The following TDRD9 variants were observed in gnomAD, a reference collection of about 807,000 sequenced individuals.
TDRD9 encodes ATP-dependent RNA helicase TDRD9.
In TDRD9, 124 loss-of-function variants were observed where a neutral mutation model predicts 172.6. The ratio of observed to expected loss-of-function variants is 0.72; its 90% confidence interval spans 0.62 to 0.83. The LOEUF is 0.83. TDRD9 is among the 40% of genes least tolerant of loss of function. The pLI is 0.00. For missense variants in TDRD9, 1,479 were observed against 1,714.1 expected (o/e 0.86, Z 2.42); for synonymous variants, 619 against 617.1 (o/e 1.00, Z -0.05).
chr14:103,971,786 T>A (rs2033044875), intron 6 of TDRD9, among the ~76,000 whole-genome samples: 1 of 152,024 alleles, frequency 6.6e-6, no homozygotes, highest in Non-Finnish European at 1.5e-5. Flanking sequence ...CTGCAGAAAA[T>A]GGTCTAGTTG....
intron 23 of TDRD9, among the ~76,000 whole-genome samples, chr14:104,018,610 T>G (rs2034862948): frequency 1.3e-5 from 2 of 152,238 alleles, no homozygotes; most frequent in Admixed American, 6.5e-5. Context: ...AGATATGTTT[T>G]GAATATTTTT....
chr14:104,020,111 G>A (rs1388335700), intron 23 of TDRD9, among the ~76,000 whole-genome samples: 1 of 152,200 alleles, frequency 6.6e-6, no homozygotes, highest in Non-Finnish European at 1.5e-5. Context: ...TTTTGTGGAG[G>A]TCAGGTGCTG....
At chr14:104,050,238 C>T (rs979797018) in intron 35 of TDRD9, among the ~76,000 whole-genome samples, 6 of 152,262 alleles carry the variant, frequency 3.9e-5, no homozygotes, top group African/African-American at 9.6e-5. Flanking sequence ...GAAAGAGAGA[C>T]GTCCTCTCTT....
intron 1 of TDRD9, chr14:103,939,676 GGTTTTTTTTTTTT>G (rs1399005384): frequency 2.8e-5 from 1 of 36,298 alleles, no homozygotes; most frequent in South Asian, 1.2e-3. Flanking sequence ...AAGTTAGGAG[GGTTTTTTTTTTTT>G]TTTTTTTTTT....
At chr14:103,986,379 C>T (rs2033662245) in intron 8 of TDRD9, 59 bp downstream of exon 8, 2 of 1,248,954 alleles carry the variant, frequency 1.6e-6, no homozygotes, top group South Asian at 2.8e-5. Context: ...AAAAATTATT[C>T]ATTTGGAAAC....
Position 103,997,305 on chromosome 14 carries a change from G to A in TDRD9, c.1379-1319G>A, listed in dbSNP as rs1440940014. ...CAGCGGTAGGGGACAGGAGGTGGGGGTAGATCCCAGGGAGATTCTGAAGGC... is the reference window on the plus strand; with the variant it reads ...CAGCGGTAGGGGACAGGAGGTGGGGATAGATCCCAGGGAGATTCTGAAGGC... On this transcript the variant is annotated intron_variant, in intron 12 of 35. Transcript: ENST00000409874. This position sits in a 1 kb window ranked among gnomAD's most constrained non-coding sequence, Gnocchi z 5.1. Among the ~76,000 whole-genome samples, 2 of 152,196 alleles carry A rather than the reference G, an allele frequency of 1.3e-5. No homozygotes were observed. The highest frequency in any genetic ancestry group is 3.9e-4 in the East Asian group (2 of 5,192).
intron 7 of TDRD9, among the ~76,000 whole-genome samples, chr14:103,982,429 TAA>T (rs2033510399): frequency 6.6e-6 from 1 of 152,170 alleles, no homozygotes; most frequent in Admixed American, 6.5e-5. Flanking sequence ...GAGCTCTAGG[TAA>T]GTCCTAGACT....
At chr14:103,944,457 A>G (rs772134501) in intron 1 of TDRD9, among the ~76,000 whole-genome samples, 13 of 152,014 alleles carry the variant, frequency 8.6e-5, no homozygotes, top group Non-Finnish European at 1.6e-4. Flanking sequence ...CAATGTGAAC[A>G]TCTTCCTTGG....
chr14:103,952,882 G>A (rs1189224351), intron 1 of TDRD9, among the ~76,000 whole-genome samples: 1 of 151,598 alleles, frequency 6.6e-6, no homozygotes, highest in Non-Finnish European at 1.5e-5. Context: ...TGGGATTACA[G>A]GTGCTCGCCA....
intron 15 of TDRD9, 116 bp downstream of exon 15, chr14:104,005,521 G>A (rs45523439): frequency 0.021 from 21,812 of 1,062,756 alleles, 727 homozygotes; most frequent in East Asian, 0.059. Flanking sequence ...TCACTTTCCC[G>A]CTAACTCTGT....
chr14:104,014,735 T>G lies in TDRD9; in HGVS notation c.2117T>G (p.Leu706Ter), dbSNP rs1752066852. 1 of 1,602,340 alleles carries G rather than the reference T, an allele frequency of 6.2e-7. No individual in the cohort carries two copies. The change falls in exon 21 of 36, where the codon TTA (leucine) becomes TGA (stop). Residue 706 changes from leucine to a stop codon, truncating the protein, a stop_gained. Transcript: ENST00000409874. LOFTEE classifies it high-confidence loss of function. ...ATGTATTTTTCTTAGGTGGCTGAAT[T>G]ATATGAAGAATTGAAGACTAGAATC... ...QIKRIREVAE[L>*]YEELKTRISQ...
chr14:103,972,113 C>T lies in TDRD9; in HGVS notation c.846+1492C>T, dbSNP rs972786835. Among the ~76,000 whole-genome samples the T allele has an allele frequency of 1.1e-4, 16 of 152,042 alleles. 1 individual carries two copies. The highest frequency in any genetic ancestry group is 3.9e-4 in the African/African-American group (16 of 41,368). ...AGGCTGCAGTGAACTGTGATTGCGCCACTGCACTCCAGCCTGGGTAACAGA... is the reference window on the plus strand; with the variant it reads ...AGGCTGCAGTGAACTGTGATTGCGCTACTGCACTCCAGCCTGGGTAACAGA... On this transcript the variant is annotated intron_variant, in intron 6 of 35. Coordinates refer to ENST00000409874, the MANE Select transcript of TDRD9 (RefSeq NM_153046.3).
intron 7 of TDRD9, among the ~76,000 whole-genome samples, chr14:103,978,048 A>G (rs550682458): frequency 5.5e-4 from 84 of 152,258 alleles, no homozygotes; most frequent in African/African-American, 1.8e-3. Context: ...TTTTATGCCA[A>G]TATCATGCTG....
At chr14:103,959,478 GTGTA>G (rs946242666) in intron 2 of TDRD9, among the ~76,000 whole-genome samples, 5 of 134,594 alleles carry the variant, frequency 3.7e-5, no homozygotes, top group South Asian at 2.4e-4. Flanking sequence ...GTGTGTGTGT[GTGTA>G]TGTATACATA....
rs572203598 is a variant in TDRD9, at chr14:103,980,769, C to T, written c.1011+5216C>T. On this transcript the variant is annotated intron_variant, in intron 7 of 35. Transcript: ENST00000409874. This position sits in a 1 kb window ranked among gnomAD's most constrained non-coding sequence, Gnocchi z 4.5. ...ACTAGACCACGGCTAGACCATGGTC[C>T]GCTTGGCAACGGGCGTCTTCCCAGA... Among the ~76,000 whole-genome samples, 31 of 152,166 alleles carry T rather than the reference C, an allele frequency of 2.0e-4. No individual in the cohort carries two copies. Among genetic ancestry groups the T allele is most frequent in the African/African-American group, 6.5e-4 (27 of 41,512 alleles).
Position 104,052,098 on chromosome 14 carries a change from G to A in TDRD9, c.*16G>A, listed in dbSNP as rs1178584725. ...CGGCACCTGAGCATGTCCACAGGTG[G>A]CCTCCAGCACACCCCTCAGGAAGCT... On this transcript the variant is annotated 3_prime_UTR_variant, in exon 36 of 36. Coordinates refer to ENST00000409874, the MANE Select transcript of TDRD9 (RefSeq NM_153046.3). 1 of 1,542,132 alleles carries A rather than the reference G, an allele frequency of 6.5e-7. No individual in the cohort carries two copies. Among genetic ancestry groups the A allele is most frequent in the East Asian group, 2.4e-5 (1 of 41,178 alleles).
At chr14:103,974,816 T>G (rs2033170253) in intron 6 of TDRD9, among the ~76,000 whole-genome samples, 1 of 152,120 alleles carries the variant, frequency 6.6e-6, no homozygotes, top group Non-Finnish European at 1.5e-5. Flanking sequence ...ATTTTTAAAT[T>G]TTTTGTAATG....
In TDRD9 at chr14:104,052,492, TA is replaced by T. The variant is rs33974610; in HGVS notation, c.*417del. On this transcript the variant is annotated 3_prime_UTR_variant, in exon 36 of 36. Transcript: ENST00000409874. ...TAAACCAGTAGTATAGGAAAAAACT[TA>T]AAAAAACAAAAAAACCATGTAGTAT... 0.94 allele frequency: 143,964 copies of T among 152,408 alleles called. 68,532 individuals carry two copies. The highest frequency in any genetic ancestry group is 1 in the East Asian group (5,190 of 5,190). 9.4% of individuals were successfully genotyped at this position (152,408 alleles called of 1,614,324 possible).
intron 11 of TDRD9, among the ~76,000 whole-genome samples, chr14:103,995,521 G>T (rs1488821234): frequency 1.3e-5 from 2 of 152,188 alleles, no homozygotes; most frequent in East Asian, 3.8e-4. Context: ...CCCGTGTCTT[G>T]TCTGCCTGTG....
Sources: gnomAD v4.1 joint callset for allele counts (sites outside exome capture counted in the v4.1 genomes callset) on GRCh38, gnomAD v4.1.1 for gene constraint, Gnocchi (gnomAD v3.1) non-coding constraint, MANE v1.5 for transcripts, NCBI Gene and HGNC (gene_info 2026-07-23, HGNC 2026-07-21) for gene names.